Variants in KLHL4 observed in about 807,000 individuals in gnomAD.
KLHL4 encodes the protein kelch-like protein 4.
In KLHL4, 17 loss-of-function variants were observed where a neutral mutation model predicts 45.8. That is an observed-to-expected ratio of 0.37 (90% CI 0.25 to 0.56). KLHL4 has a LOEUF of 0.56. KLHL4 is among the 20% of genes least tolerant of loss of function. The pLI is 0.79. For synonymous variants in KLHL4, 224 were observed against 189.9 expected (o/e 1.18, Z -1.47); for missense variants, 544 against 544.9 (o/e 1.00, Z 0.02).
At chrX:87,533,568 G>A (rs201427715) in intron 1 of KLHL4, among the ~76,000 whole-genome samples, 1 of 103,613 alleles carries the variant, frequency 9.7e-6, no homozygotes, top group Non-Finnish European at 2.0e-5. Context: ...GTGGGGTGAG[G>A]GGGGAGGGAT....
chrX:87,623,288 C>CTTTTTTTTTTTT lies in KLHL4; in HGVS notation c.1137+878_1137+889dup, dbSNP rs67869297. On this transcript the variant is annotated intron_variant, in intron 5 of 10. Coordinates refer to ENST00000373119, the MANE Select transcript of KLHL4 (RefSeq NM_019117.5). ...ATCTGTTGATGATTTTTCCTTTTTT[C>CTTTTTTTTTTTT]TTTTTTTTTTTTTTTTTTTTTTTTG... 1.6e-4 allele frequency among the ~76,000 whole-genome samples: 8 copies of CTTTTTTTTTTTT among 50,205 alleles called. No individual in the cohort carries two copies. In the South Asian group the frequency reaches 4.9e-3, roughly 31 times the overall value. 43.6% of individuals were successfully genotyped at this position (50,205 alleles called of 115,157 possible). A position where few individuals can be genotyped will look rare whatever the true frequency, so the allele number is the denominator to read the frequency against.
At chrX:87,663,756 A>G (rs1456188701) in intron 9 of KLHL4, among the ~76,000 whole-genome samples, 2 of 112,377 alleles carry the variant, frequency 1.8e-5, no homozygotes, top group Non-Finnish European at 3.8e-5. Flanking sequence ...TCAATGATAT[A>G]GAATTTAAGT....
At chrX:87,558,709 CAT>C (rs1932034146) in intron 1 of KLHL4, among the ~76,000 whole-genome samples, 1 of 111,960 alleles carries the variant, frequency 8.9e-6, no homozygotes, top group Non-Finnish European at 1.9e-5. Flanking sequence ...TTTAATTTCT[CAT>C]TTGCAGAGAT....
At chrX:87,638,025 C>T (rs1923324860) in intron 9 of KLHL4, among the ~76,000 whole-genome samples, 1 of 111,727 alleles carries the variant, frequency 9.0e-6, no homozygotes, top group Non-Finnish European at 1.9e-5. Flanking sequence ...AAGTGAAGGA[C>T]ACATTTACAG....
chrX:87,552,775 T>A (rs931578053), intron 1 of KLHL4, among the ~76,000 whole-genome samples: 3 of 108,428 alleles, frequency 2.8e-5, no homozygotes, highest in African/African-American at 1.0e-4. Context: ...CTCATGGACA[T>A]AGAGAGTAGA....
rs767472074 is a variant in KLHL4 at position 87,564,259 on chromosome X, T to C, written c.422+45944T>C. ...ACATTTTAAGATATATGTATTATGA[T>C]AATATGTAAATAGAAATGAAACAAG... On this transcript the variant is annotated intron_variant, in intron 1 of 10. Coordinates refer to ENST00000373119, the MANE Select transcript of KLHL4 (RefSeq NM_019117.5). Among the ~76,000 whole-genome samples, 43 of 111,286 alleles carry C rather than the reference T, an allele frequency of 3.9e-4. 4 individuals are homozygous for C. In the South Asian group the frequency reaches 0.016, roughly 43 times the overall value.
At position 87,635,825 on chromosome X, in the gene KLHL4, T is replaced by C. The variant is rs772860624; in HGVS notation, c.1925+50T>C. 8.4e-6 allele frequency: 8 copies of C among 950,083 alleles called. No homozygotes were observed. The Middle Eastern group carries it at 8.8e-4, about 104-fold the overall frequency. The allele number at this position is 950,083 out of a possible 1,213,427, so 78.3% of individuals were successfully genotyped here. A position where few individuals can be genotyped will look rare whatever the true frequency, so the allele number is the denominator to read the frequency against. ...TATGTAATTATTTGGTTATTTAATT[T>C]TTTAGAAATAGAAAGATTTTTTTTC... On this transcript the variant is annotated intron_variant, in intron 9 of 10. Transcript: ENST00000373119.
At chrX:87,570,893 A>G (rs1157921478) in intron 1 of KLHL4, among the ~76,000 whole-genome samples, 1 of 110,648 alleles carries the variant, frequency 9.0e-6, no homozygotes, top group Non-Finnish European at 1.9e-5. Context: ...CAGGAAAGAT[A>G]TATATTGTGG....
intron 1 of KLHL4, among the ~76,000 whole-genome samples, chrX:87,570,406 G>T (rs901895938): frequency 9.0e-6 from 1 of 110,537 alleles, no homozygotes; most frequent in African/African-American, 3.3e-5. Flanking sequence ...GACAGAGGGA[G>T]TTGTAAGAAC....
At chrX:87,583,338 G>A (rs1921350146) in intron 1 of KLHL4, among the ~76,000 whole-genome samples, 1 of 112,220 alleles carries the variant, frequency 8.9e-6, no homozygotes, top group African/African-American at 3.2e-5. Flanking sequence ...GGGCAGCCAT[G>A]GGAGTGCTAG....
chrX:87,627,552 A>G (rs1922968252), intron 6 of KLHL4, among the ~76,000 whole-genome samples: 1 of 111,599 alleles, frequency 9.0e-6, no homozygotes, highest in Non-Finnish European at 1.9e-5. Flanking sequence ...TTCAGGAAAT[A>G]ACAGATAACA....
intron 1 of KLHL4, among the ~76,000 whole-genome samples, chrX:87,566,079 T>TTAAA (rs1932205946): frequency 9.2e-6 from 1 of 108,363 alleles, no homozygotes; most frequent in Non-Finnish European, 1.9e-5. Context: ...ATCCCAGAAC[T>TTAAA]TAAAGTAAAA....
At chrX:87,538,706 T>A (rs975324177) in intron 1 of KLHL4, among the ~76,000 whole-genome samples, 1 of 111,298 alleles carries the variant, frequency 9.0e-6, no homozygotes, top group African/African-American at 3.3e-5. Context: ...TGCCACTATA[T>A]ATTATTCATG....
chrX:87,549,694 T>C (rs1253295117), intron 1 of KLHL4, among the ~76,000 whole-genome samples: 1 of 110,928 alleles, frequency 9.0e-6, no homozygotes, highest in Non-Finnish European at 1.9e-5. Context: ...AGGAAATTTA[T>C]AAGGAAACTA....
intron 9 of KLHL4, among the ~76,000 whole-genome samples, chrX:87,637,954 T>A (rs1268061869): frequency 2.7e-5 from 3 of 110,257 alleles, no homozygotes; most frequent in East Asian, 2.9e-4. Context: ...ATTGAAAAAA[T>A]AAATAAATAA....
chrX:87,597,964 GA>G (rs1181572664), intron 1 of KLHL4, among the ~76,000 whole-genome samples: 2 of 100,189 alleles, frequency 2.0e-5, no homozygotes, highest in African/African-American at 3.6e-5. Flanking sequence ...TTCCAGTGCA[GA>G]AAAAAAGCAG....
intron 9 of KLHL4, among the ~76,000 whole-genome samples, chrX:87,655,260 A>G (rs144352737): frequency 0.047 from 5,218 of 111,620 alleles, 276 homozygotes; most frequent in African/African-American, 0.16. Context: ...TTTCTGCCTC[A>G]ATAATTTGCC....
chrX:87,630,954 G>C (rs979869278), intron 6 of KLHL4, among the ~76,000 whole-genome samples: 3 of 111,237 alleles, frequency 2.7e-5, no homozygotes, highest in African/African-American at 9.8e-5. Context: ...AAAGAGAATA[G>C]CTCTCCGCTA....
chrX:87,648,926 A>G (rs1390888215), intron 9 of KLHL4, among the ~76,000 whole-genome samples: 1 of 111,862 alleles, frequency 8.9e-6, no homozygotes, highest in African/African-American at 3.2e-5. Flanking sequence ...ACTATAATGT[A>G]CTAGATTCAA....
Sources: gnomAD v4.1 joint callset for allele counts (sites outside exome capture counted in the v4.1 genomes callset) on GRCh38, gnomAD v4.1.1 for gene constraint, MANE v1.5 for transcripts, NCBI Gene and HGNC (gene_info 2026-07-23, HGNC 2026-07-21) for gene names.